Variants in WIPF1 observed in about 807,000 individuals in gnomAD.
The protein encoded by WIPF1 is WAS/WASL-interacting protein family member 1.
WIPF1 carries 13 observed loss-of-function variants against 35.4 expected under a neutral mutation model. The ratio of observed to expected loss-of-function variants is 0.37; its 90% CI spans 0.24 to 0.58. The LOEUF is 0.58. WIPF1 is among the 20% of genes least tolerant of loss of function. WIPF1 has a pLI of 0.74. For missense variants in WIPF1, 591 were observed against 667.0 expected, an observed-to-expected ratio of 0.89 and a Z score of 1.25; for synonymous variants, 267 against 266.3, an observed-to-expected ratio of 1.00 and a Z score of -0.02.
At chr2:174,596,343 T>A (rs2105870820) in intron 1 of WIPF1, among the ~76,000 whole-genome samples, 1 of 152,340 alleles carries the variant, frequency 6.6e-6, no homozygotes, top group East Asian at 1.9e-4. Flanking sequence ...GATATTCCAG[T>A]ACAGAAGAAC....
At chr2:174,668,340 G>A (rs1236840423) in intron 1 of WIPF1, among the ~76,000 whole-genome samples, 2 of 152,132 alleles carry the variant, frequency 1.3e-5, no homozygotes, top group South Asian at 4.1e-4. Context: ...CGCAAGGTTG[G>A]GCAAAATGAT....
At chr2:174,613,379 C>T (rs1212968866) in intron 1 of WIPF1, among the ~76,000 whole-genome samples, 1 of 152,094 alleles carries the variant, frequency 6.6e-6, no homozygotes, top group African/African-American at 2.4e-5. Flanking sequence ...ATGATAAAAA[C>T]CTCTTTTGAG....
intron 1 of WIPF1, among the ~76,000 whole-genome samples, chr2:174,642,824 C>T (rs1318801431): frequency 2.7e-5 from 4 of 149,246 alleles, no homozygotes; most frequent in South Asian, 2.1e-4. Flanking sequence ...ACCTCCTCCA[C>T]GTTTCTTATT....
In WIPF1 at chr2:174,568,378, C is replaced by T. The variant is rs114890198; in HGVS notation, c.1130-305G>A. ...GGTGAAAATCTGTTTACACGGACAA[C>T]CGTATATTTAAAAAAACATTTTATA... On this transcript the variant is annotated intron_variant, in intron 5 of 7. Coordinates refer to ENST00000679041, the MANE Select transcript of WIPF1 (RefSeq NM_001375834.1). Among the ~76,000 whole-genome samples the T allele has an allele frequency of 7.2e-3, 1,093 of 152,178 alleles. 15 individuals carry two copies. Among genetic ancestry groups the T allele is most frequent in the African/African-American group, 0.025 (1,032 of 41,514 alleles).
In WIPF1 at chr2:174,622,930, T is replaced by C. The variant is rs1454197251; in HGVS notation, c.-38-37319A>G. Among the ~76,000 whole-genome samples the C allele has an allele frequency of 6.6e-6, 1 of 152,186 alleles. No individual in the cohort carries two copies. Among genetic ancestry groups the C allele is most frequent in the African/African-American group, 2.4e-5 (1 of 41,436 alleles). On this transcript the variant is annotated intron_variant, in intron 1 of 8. Coordinates refer to the WIPF1 transcript ENST00000272746. This position sits in a 1 kb window ranked among gnomAD's most constrained non-coding sequence, Gnocchi z 5.1. The stretch of plus-strand genomic sequence containing the variant: ...CTCCTAAGAGGTGTTCTATTTGTTG[T>C]TGTTAACAAAATGATTTTCAATTAT...
In WIPF1 at chr2:174,572,258, T is replaced by C; in HGVS notation, c.547A>G (p.Ile183Val). ...RPDVGSKPDS[I>V]PPPVPSTPRP... ...GGAGTACTAGGTACTGGAGGAGGAA[T>C]GCTATCAGGCTTTGAGCCCACGTCG... Residue 183 changes from isoleucine to valine, a missense_variant, in exon 5 of 8, where the codon ATT becomes GTT. Around this residue, in one of 3 missense-constraint regions of WIPF1, gnomAD observed 471 missense variants for 501.1 expected, o/e 0.94. Transcript: ENST00000679041. The C allele has an allele frequency of 6.2e-7, 1 of 1,614,098 alleles. No individual in the cohort carries two copies. Among genetic ancestry groups the C allele is most frequent in the Non-Finnish European group, 8.5e-7 (1 of 1,180,008 alleles).
chr2:174,603,849 C>G (rs927142946), intron 1 of WIPF1, among the ~76,000 whole-genome samples: 2 of 152,128 alleles, frequency 1.3e-5, no homozygotes, highest in African/African-American at 2.4e-5. Flanking sequence ...CAATTCCAAA[C>G]ACCAGAATCC....
At chr2:174,626,039 T>C (rs1343556527) in intron 1 of WIPF1, 3 of 152,226 alleles carry the variant, frequency 2.0e-5, no homozygotes, top group Non-Finnish European at 2.9e-5. Context: ...AAAAGCAATT[T>C]CAATTATATT....
chr2:174,588,152 T>C (rs1209388807), intron 1 of WIPF1, among the ~76,000 whole-genome samples: 1 of 152,174 alleles, frequency 6.6e-6, no homozygotes, highest in Non-Finnish European at 1.5e-5. Context: ...CTGCGAAAGA[T>C]GCTGGAGCCA....
At chr2:174,608,013 A>C (rs1348141839) in intron 1 of WIPF1, among the ~76,000 whole-genome samples, 11 of 152,210 alleles carry the variant, frequency 7.2e-5, no homozygotes, top group Admixed American at 7.2e-4. Context: ...TTTGCTCTCC[A>C]AAAAGACCTG....
At chr2:174,651,657 T>G (rs1014543209) in intron 1 of WIPF1, among the ~76,000 whole-genome samples, 2 of 152,230 alleles carry the variant, frequency 1.3e-5, no homozygotes, top group Non-Finnish European at 2.9e-5. Context: ...AACACAACGA[T>G]GTGTTATATG....
chr2:174,625,370 T>C (rs148692219), intron 1 of WIPF1, among the ~76,000 whole-genome samples: 155 of 152,340 alleles, frequency 1.0e-3, no homozygotes, highest in African/African-American at 3.3e-3. Context: ...AAGGAGATCA[T>C]TCTGCATGAC....
intron 1 of WIPF1, among the ~76,000 whole-genome samples, chr2:174,634,942 C>A (rs1574852862): frequency 6.6e-6 from 1 of 152,216 alleles, no homozygotes; most frequent in Non-Finnish European, 1.5e-5. Context: ...CTTGGGTGCT[C>A]TGCTGTCATT....
In WIPF1 at chr2:174,567,898, T is replaced by C. The variant is rs1451972568; in HGVS notation, c.1305A>G (p.Thr435=). The part of the protein sequence containing the change: ...AGAPPPPPPS[T]SIRNGFQDSP... Reference sequence around the variant, plus strand: ...AGTCTTGGAAGCCATTTCTAATAGATGTTGATGGTGGAGGTGGGGGAGGTG... The same window carrying C: ...AGTCTTGGAAGCCATTTCTAATAGACGTTGATGGTGGAGGTGGGGGAGGTG... The change falls in exon 6 of 8, where the codon ACA becomes ACG. Residue 435 remains threonine (T), a synonymous_variant. Transcript: ENST00000679041. 6.2e-7 allele frequency: 1 copy of C among 1,610,272 alleles called. No individual in the cohort carries two copies. The highest frequency in any genetic ancestry group is 8.5e-7 in the Non-Finnish European group (1 of 1,177,972).
chr2:174,608,807 T>G (rs1469364974), intron 1 of WIPF1, among the ~76,000 whole-genome samples: 1 of 152,202 alleles, frequency 6.6e-6, no homozygotes, highest in African/African-American at 2.4e-5. Context: ...TCTGGGCTGG[T>G]GAAAGTAGCC....
At chr2:174,567,512 C>T (rs1033785495) in intron 6 of WIPF1, among the ~76,000 whole-genome samples, 1 of 152,208 alleles carries the variant, frequency 6.6e-6, no homozygotes, top group Non-Finnish European at 1.5e-5. Context: ...ATCTGCAGGC[C>T]GTCAGGCCTC....
intron 1 of WIPF1, among the ~76,000 whole-genome samples, chr2:174,628,535 C>G (rs1686918508): frequency 6.6e-6 from 1 of 152,206 alleles, no homozygotes; most frequent in South Asian, 2.1e-4. Flanking sequence ...AAATTCCAAC[C>G]ATATGGCTGT....
At chr2:174,671,144 C>G (rs1367656825) in intron 1 of WIPF1, among the ~76,000 whole-genome samples, 1 of 152,216 alleles carries the variant, frequency 6.6e-6, no homozygotes, top group African/African-American at 2.4e-5. Flanking sequence ...GAGGGACCGG[C>G]TGAAGCCATG....
intron 7 of WIPF1, 58 bp downstream of exon 7, chr2:174,567,012 G>T (rs771421573): frequency 3.2e-5 from 49 of 1,541,818 alleles, no homozygotes; most frequent in Non-Finnish European, 4.1e-5. Flanking sequence ...TATATAGCCC[G>T]AGTGTCACTC....
Sources: allele counts gnomAD v4.1 joint callset (sites outside exome capture counted in the v4.1 genomes callset), GRCh38; gene constraint gnomAD v4.1.1; regional missense constraint gnomAD v4.1.1; non-coding constraint Gnocchi (gnomAD v3.1); transcripts MANE v1.5; gene names NCBI Gene and HGNC (gene_info 2026-07-23, HGNC 2026-07-21).